RBFOX1: variants seen among roughly 807,000 people sequenced by gnomAD.
RBFOX1 encodes the protein RNA binding protein fox-1 homolog 1.
Under a neutral mutation model 57.7 loss-of-function variants are expected in RBFOX1, and 8 were observed. The ratio of observed to expected loss-of-function variants is 0.14; its 90% CI spans 0.08 to 0.25. The LOEUF is 0.25. RBFOX1 is among the 10% of genes least tolerant of loss of function. RBFOX1 has a pLI of 1.00. For synonymous variants in RBFOX1, 326 were observed against 222.4 expected (o/e 1.47, Z -4.15); for missense variants, 611 against 548.5 (o/e 1.11, Z -1.14).
intron 2 of RBFOX1, among the ~76,000 whole-genome samples, chr16:6,615,892 T>A (rs772490996): frequency 6.6e-6 from 1 of 152,182 alleles, no homozygotes; most frequent in African/African-American, 2.4e-5. Flanking sequence ...CCTCATGTGA[T>A]ACGCATCTCC....
At chr16:6,908,751 T>G (rs2070760133) in intron 3 of RBFOX1, among the ~76,000 whole-genome samples, 1 of 152,198 alleles carries the variant, frequency 6.6e-6, no homozygotes, top group African/African-American at 2.4e-5. Flanking sequence ...CCTCATTGAC[T>G]CACTGTGCAA....
intron 4 of RBFOX1, among the ~76,000 whole-genome samples, chr16:7,272,172 G>A (rs2095334324): frequency 6.6e-6 from 1 of 152,082 alleles, no homozygotes; most frequent in African/African-American, 2.4e-5. Flanking sequence ...ATTACTCTTT[G>A]CTTGACCATT....
intron 1 of RBFOX1, among the ~76,000 whole-genome samples, chr16:5,371,633 A>T (rs190381186): frequency 7.9e-5 from 12 of 152,230 alleles, no homozygotes; most frequent in Admixed American, 7.8e-4. Flanking sequence ...TGATGTGTAC[A>T]TTTCTGAGTG....
At chr16:6,009,894 C>G (rs768277712) in intron 4 of RBFOX1, among the ~76,000 whole-genome samples, 2 of 151,654 alleles carry the variant, frequency 1.3e-5, no homozygotes, top group Non-Finnish European at 2.9e-5. Flanking sequence ...GAATCAGAAT[C>G]TCCAGCATGG....
At chr16:7,311,757 G>A (rs1368034030) in intron 4 of RBFOX1, among the ~76,000 whole-genome samples, 1 of 152,132 alleles carries the variant, frequency 6.6e-6, no homozygotes, top group Non-Finnish European at 1.5e-5. Flanking sequence ...GAAAAACCCA[G>A]ATCTATTTAG....
chr16:7,356,579 G>C (rs1243380395), intron 4 of RBFOX1, among the ~76,000 whole-genome samples: 4 of 152,148 alleles, frequency 2.6e-5, no homozygotes, highest in Non-Finnish European at 5.9e-5. Flanking sequence ...TAATGAGTTT[G>C]GATTTTTATA....
chr16:5,901,076 C>G (rs962430077), intron 4 of RBFOX1, among the ~76,000 whole-genome samples: 13 of 152,180 alleles, frequency 8.5e-5, no homozygotes, highest in African/African-American at 3.1e-4. Flanking sequence ...CCCTTCTTCA[C>G]TCTGTGCTGT....
chr16:6,377,611 A>C (rs2091339598), intron 2 of RBFOX1, among the ~76,000 whole-genome samples: 1 of 152,162 alleles, frequency 6.6e-6, no homozygotes, highest in Non-Finnish European at 1.5e-5. Flanking sequence ...TGCCGACAGA[A>C]ATGGAAAAAT....
chr16:7,248,361 A>G (rs564871013), intron 4 of RBFOX1, among the ~76,000 whole-genome samples: 19 of 152,278 alleles, frequency 1.2e-4, no homozygotes, highest in African/African-American at 3.9e-4. Flanking sequence ...CAGCTCTTCT[A>G]GTAGGATGCC....
intron 3 of RBFOX1, among the ~76,000 whole-genome samples, chr16:5,790,299 G>C (rs1004838992): frequency 6.6e-6 from 1 of 152,144 alleles, no homozygotes; most frequent in African/African-American, 2.4e-5. Context: ...AAGAATACAA[G>C]AATGACACGT....
intron 14 of RBFOX1, among the ~76,000 whole-genome samples, chr16:7,682,748 A>C (rs2075089888): frequency 6.6e-6 from 1 of 151,334 alleles, no homozygotes; most frequent in Non-Finnish European, 1.5e-5. Flanking sequence ...CAGGTTGAGC[A>C]CGTGTACATC....
chr16:7,237,373 C>A (rs2093820341), intron 4 of RBFOX1, among the ~76,000 whole-genome samples: 1 of 152,314 alleles, frequency 6.6e-6, no homozygotes, highest in Admixed American at 6.5e-5. Flanking sequence ...GTGTTCTGTA[C>A]ATACAATAAT....
chr16:5,642,346 C>T (rs189646751), intron 3 of RBFOX1, among the ~76,000 whole-genome samples: 7 of 152,272 alleles, frequency 4.6e-5, no homozygotes, highest in South Asian at 4.2e-4. Context: ...GCAATCCATG[C>T]GAGATCAAAA....
chr16:7,058,515 C>T (rs760778982), intron 4 of RBFOX1, among the ~76,000 whole-genome samples: 2 of 152,184 alleles, frequency 1.3e-5, no homozygotes, highest in African/African-American at 4.8e-5. Flanking sequence ...TCAATCCTCT[C>T]TATGTCAAAT....
intron 2 of RBFOX1, among the ~76,000 whole-genome samples, chr16:6,637,564 T>TCTATAGTATATATAGAATAG (rs756936561): frequency 7.8e-6 from 1 of 128,474 alleles, no homozygotes; most frequent in East Asian, 2.1e-4. Context: ...ATATATAATA[T>TCTATAGTATATATAGAATAG]TCTATATAGT....
intron 1 of RBFOX1, among the ~76,000 whole-genome samples, chr16:6,079,810 T>C (rs891036564): frequency 1.3e-5 from 2 of 152,182 alleles, no homozygotes; most frequent in Non-Finnish European, 2.9e-5. Flanking sequence ...CACTCCAGCC[T>C]GGGCAACAAA....
intron 2 of RBFOX1, among the ~76,000 whole-genome samples, chr16:6,534,937 C>G (rs1035060985): frequency 6.6e-6 from 1 of 152,138 alleles, no homozygotes; most frequent in African/African-American, 2.4e-5. Context: ...ATTCAACATA[C>G]AGAAAACTTG....
At chr16:7,602,014 T>C (rs995961181) in intron 9 of RBFOX1, among the ~76,000 whole-genome samples, 2 of 152,204 alleles carry the variant, frequency 1.3e-5, no homozygotes, top group Admixed American at 6.5e-5. Flanking sequence ...TATATGTCTT[T>C]AGAAAGCATT....
chr16:7,532,302 C>T (rs2152387092), intron 5 of RBFOX1, among the ~76,000 whole-genome samples: 1 of 152,088 alleles, frequency 6.6e-6, no homozygotes, highest in South Asian at 2.1e-4. Flanking sequence ...CTGGTGGCTC[C>T]ACAAAAGGGG....
Sources: allele counts gnomAD v4.1 joint callset (sites outside exome capture counted in the v4.1 genomes callset), GRCh38; gene constraint gnomAD v4.1.1; transcripts MANE v1.5; gene names NCBI Gene and HGNC (gene_info 2026-07-23, HGNC 2026-07-21).